Variants in CCDC12 observed in about 807,000 individuals in gnomAD.
CCDC12 encodes coiled-coil domain containing 12, also known as coiled-coil domain-containing protein 12.
Under a neutral mutation model 25.7 loss-of-function variants are expected in CCDC12, and 28 were observed. The ratio of observed to expected loss-of-function variants is 1.09; its 90% confidence interval spans 0.81 to 1.50. CCDC12 has a LOEUF of 1.50. Ranked by LOEUF, CCDC12 falls within the 40% of genes most tolerant of loss-of-function variation. The pLI is 0.00. For synonymous variants in CCDC12, 75 were observed against 87.7 expected (o/e 0.86, Z 0.81); for missense variants, 198 against 210.0 (o/e 0.94, Z 0.35).
exon 1 of CCDC12, chr3:46,981,957 G>A (rs1197788141): frequency 1.3e-5 from 2 of 152,336 alleles, no homozygotes; most frequent in African/African-American, 4.8e-5. Context: ...TGGAGCATAG[G>A]CTGGCAGGTT....
intron 1 of CCDC12, among the ~76,000 whole-genome samples, chr3:46,953,418 C>T (rs2034189090): frequency 1.3e-5 from 2 of 152,116 alleles, no homozygotes; most frequent in South Asian, 2.1e-4. Flanking sequence ...TTCACAGACT[C>T]GCACTCAACC....
intron 2 of CCDC12, among the ~76,000 whole-genome samples, chr3:46,939,533 A>G (rs543901988): frequency 1.1e-4 from 16 of 152,300 alleles, no homozygotes; most frequent in African/African-American, 3.8e-4. Flanking sequence ...ACCCACCCAT[A>G]AAGCCACATA....
At chr3:46,975,463 C>G (rs1207679441) in intron 1 of CCDC12, among the ~76,000 whole-genome samples, 8 of 151,966 alleles carry the variant, frequency 5.3e-5, no homozygotes, top group Non-Finnish European at 8.8e-5. Context: ...CAGGCACCAG[C>G]CATTGTGCCC....
upstream of CCDC12, among the ~76,000 whole-genome samples, chr3:46,978,690 T>C (rs1385900802): frequency 6.6e-6 from 1 of 151,980 alleles, no homozygotes; most frequent in Non-Finnish European, 1.5e-5. Flanking sequence ...TCTCCATCTG[T>C]AAAACAGAGC....
rs777064692 is a variant in CCDC12, at chr3:46,923,416, G to C, written c.307-53C>G. Reference sequence around the variant, plus strand: ...GTGGAGGGGCCACCCCAGGACAAGGGGGAGGGCAGGCTCGAGAAGGAGGGA... The same window carrying C: ...GTGGAGGGGCCACCCCAGGACAAGGCGGAGGGCAGGCTCGAGAAGGAGGGA... On this transcript the variant is annotated intron_variant, in intron 4 of 6. Coordinates refer to ENST00000683445, the MANE Select transcript of CCDC12 (RefSeq NM_001277074.2). 5.1e-5 allele frequency: 79 copies of C among 1,557,416 alleles called. No individual in the cohort carries two copies. In the Middle Eastern group the frequency reaches 7.0e-4, roughly 14 times the overall value.
intron 1 of CCDC12, among the ~76,000 whole-genome samples, chr3:46,973,439 G>T (rs2034867104): frequency 6.7e-6 from 1 of 148,996 alleles, no homozygotes; most frequent in Non-Finnish European, 1.5e-5. Context: ...AGGCTGCAGT[G>T]AGCTGAGATT....
intron 1 of CCDC12, among the ~76,000 whole-genome samples, chr3:46,944,550 C>T (rs779774967): frequency 2.0e-5 from 3 of 151,914 alleles, no homozygotes; most frequent in Non-Finnish European, 4.4e-5. Context: ...GCCTCACCAC[C>T]CCCACTCCCC....
intron 1 of CCDC12, among the ~76,000 whole-genome samples, chr3:46,981,778 G>A (rs1169389716): frequency 6.6e-6 from 1 of 152,110 alleles, no homozygotes; most frequent in Non-Finnish European, 1.5e-5. Context: ...CAGGCTGCTG[G>A]GAGTGTCTTG....
chr3:46,948,925 C>T (rs2034009250), intron 1 of CCDC12, among the ~76,000 whole-genome samples: 1 of 13,110 alleles, frequency 7.6e-5, no homozygotes, highest in Admixed American at 2.0e-3. Context: ...GACTGGCTCC[C>T]CTGTGGTACT....
chr3:46,925,557 G>A, intron 2 of CCDC12, 22 bp from the exon 3 acceptor site: 1 of 1,526,854 alleles, frequency 6.5e-7, no homozygotes, highest in Non-Finnish European at 8.9e-7. Flanking sequence ...GAGGGAACAA[G>A]CAGAGATGAA....
chr3:46,976,163 C>T, intron 1 of CCDC12: 1 of 316,870 alleles, frequency 3.2e-6, no homozygotes, highest in African/African-American at 2.3e-5. Context: ...GATTTTTGCA[C>T]GAAACGACTC....
chr3:46,940,050 A>C (rs571287599), intron 2 of CCDC12, among the ~76,000 whole-genome samples: 1 of 152,336 alleles, frequency 6.6e-6, no homozygotes, highest in East Asian at 1.9e-4. Flanking sequence ...AGAAAGACAC[A>C]CAGTCTGGCC....
chr3:46,957,512 G>A (rs1297179226), intron 1 of CCDC12, among the ~76,000 whole-genome samples: 1 of 151,968 alleles, frequency 6.6e-6, no homozygotes, highest in African/African-American at 2.4e-5. Context: ...ATGGATTTCT[G>A]TTGTTTGCAA....
At chr3:46,942,950 G>A (rs1455256853) in intron 1 of CCDC12, among the ~76,000 whole-genome samples, 1 of 152,194 alleles carries the variant, frequency 6.6e-6, no homozygotes, top group Non-Finnish European at 1.5e-5. Context: ...AGAGCATGCA[G>A]GTGACTGGGG....
chr3:46,969,984 C>T (rs948538883), intron 1 of CCDC12, among the ~76,000 whole-genome samples: 3 of 149,450 alleles, frequency 2.0e-5, no homozygotes, highest in Non-Finnish European at 4.4e-5. Flanking sequence ...CTCATTGCAA[C>T]CTCTGCCCCT....
At chr3:46,929,350 G>A (rs563593461) in intron 2 of CCDC12, among the ~76,000 whole-genome samples, 2 of 152,310 alleles carry the variant, frequency 1.3e-5, no homozygotes, top group Non-Finnish European at 2.9e-5. Flanking sequence ...CAAATAGTAG[G>A]ACAACAGGTT....
chr3:46,955,780 TAGG>T (rs1346176814), intron 1 of CCDC12, among the ~76,000 whole-genome samples: 1 of 152,210 alleles, frequency 6.6e-6, no homozygotes, highest in Non-Finnish European at 1.5e-5. Context: ...GGATGTGAGT[TAGG>T]AGAGCCACCT....
At chr3:46,975,206 A>G (rs2107209482) in intron 1 of CCDC12, among the ~76,000 whole-genome samples, 1 of 149,392 alleles carries the variant, frequency 6.7e-6, no homozygotes. Flanking sequence ...TTTTTTTTTG[A>G]GACCAGTCTC....
intron 1 of CCDC12, among the ~76,000 whole-genome samples, chr3:46,947,306 G>A (rs1307249731): frequency 6.6e-6 from 1 of 152,210 alleles, no homozygotes; most frequent in African/African-American, 2.4e-5. Flanking sequence ...GACAATGCTG[G>A]GGCAAACTTG....
Sources: gnomAD v4.1 joint callset for allele counts (sites outside exome capture counted in the v4.1 genomes callset) on GRCh38, gnomAD v4.1.1 for gene constraint, MANE v1.5 for transcripts, NCBI Gene and HGNC (gene_info 2026-07-23, HGNC 2026-07-21) for gene names.